Variants in PDE4D observed in about 807,000 individuals in gnomAD.
The protein encoded by PDE4D is phosphodiesterase 4D.
In PDE4D, 24 loss-of-function variants were observed where a neutral mutation model predicts 87.4. That is an observed-to-expected ratio of 0.27 (90% CI 0.20 to 0.39). The LOEUF (loss-of-function observed/expected upper bound fraction) is 0.39. Among genes scored for constraint, PDE4D ranks in the 10% least tolerant of loss-of-function variants. The probability of loss-of-function intolerance (pLI) is 1.00; values close to 1 mark genes in which losing one functional copy is unlikely to be tolerated. For synonymous variants in PDE4D, 384 were observed against 383.2 expected, an observed-to-expected ratio of 1.00 and a Z score of -0.02; for missense variants, 714 against 1,041.0, an observed-to-expected ratio of 0.69 and a Z score of 4.32.
At chr5:60,055,018 TA>T (rs992928809) in intron 2 of PDE4D, among the ~76,000 whole-genome samples, 1 of 150,706 alleles carries the variant, frequency 6.6e-6, no homozygotes, top group African/African-American at 2.4e-5. Flanking sequence ...GGAGAAGAAA[TA>T]AAAAAAAGGT....
intron 6 of PDE4D, among the ~76,000 whole-genome samples, chr5:59,035,960 C>A (rs923380223): frequency 6.6e-6 from 1 of 152,166 alleles, no homozygotes; most frequent in African/African-American, 2.4e-5. Context: ...CCAACCCTAG[C>A]CTTGGCCAAG....
chr5:60,310,240 C>T (rs946749168), intron 1 of PDE4D, among the ~76,000 whole-genome samples: 3 of 152,156 alleles, frequency 2.0e-5, no homozygotes, highest in Non-Finnish European at 4.4e-5. Flanking sequence ...AAACAATAAT[C>T]CCACTTTACC....
At chr5:59,177,504 C>T (rs527405672) in intron 5 of PDE4D, among the ~76,000 whole-genome samples, 23 of 152,170 alleles carry the variant, frequency 1.5e-4, no homozygotes, top group Non-Finnish European at 1.5e-5. Flanking sequence ...TTCACTCATT[C>T]AAGCCAGCAA....
At chr5:59,175,505 G>A (rs745856883) in intron 5 of PDE4D, among the ~76,000 whole-genome samples, 2 of 107,656 alleles carry the variant, frequency 1.9e-5, no homozygotes, top group African/African-American at 3.7e-5. Context: ...TTTTTGAGAC[G>A]GTGTCTCACT....
At chr5:59,259,852 GA>G (rs1337007648) in intron 1 of PDE4D, among the ~76,000 whole-genome samples, 2 of 151,756 alleles carry the variant, frequency 1.3e-5, no homozygotes, top group Admixed American at 1.3e-4. Context: ...CTATTAGTCA[GA>G]AATTCACATA....
At chr5:60,465,413 T>C (rs1446707294) in intron 1 of PDE4D, among the ~76,000 whole-genome samples, 1 of 152,192 alleles carries the variant, frequency 6.6e-6, no homozygotes, top group African/African-American at 2.4e-5. Flanking sequence ...TGTATAAGCA[T>C]AAATTTGACA....
chr5:59,658,282 A>G (rs1744695552), intron 1 of PDE4D, among the ~76,000 whole-genome samples: 1 of 152,228 alleles, frequency 6.6e-6, no homozygotes, highest in African/African-American at 2.4e-5. Flanking sequence ...ATTATTTACT[A>G]AAGTCTCACA....
Position 59,177,646 on chromosome 5 carries a change from G to C in PDE4D, c.808+2949C>G, listed in dbSNP as rs187120630. Reference sequence around the variant, plus strand: ...AGTGCTGGGTAGGCAGAGCAACCACGTGGTATAATTCTAGGGGCACCATGT... The same window carrying C: ...AGTGCTGGGTAGGCAGAGCAACCACCTGGTATAATTCTAGGGGCACCATGT... On this transcript the variant is annotated intron_variant, in intron 5 of 14. Coordinates refer to ENST00000340635, the MANE Select transcript of PDE4D (RefSeq NM_001104631.2). Among the ~76,000 whole-genome samples the C allele has an allele frequency of 1.1e-4, 16 of 152,260 alleles. No individual in the cohort carries two copies. In the East Asian group the frequency reaches 3.1e-3, roughly 29 times the overall value.
chr5:59,865,638 C>T (rs1240365670), intron 1 of PDE4D, among the ~76,000 whole-genome samples: 1 of 152,194 alleles, frequency 6.6e-6, no homozygotes, highest in Non-Finnish European at 1.5e-5. Context: ...TCTAAATTGT[C>T]AGGTCTTTGT....
At chr5:59,479,127 T>C (rs1175895212) in intron 1 of PDE4D, among the ~76,000 whole-genome samples, 1 of 152,098 alleles carries the variant, frequency 6.6e-6, no homozygotes, top group African/African-American at 2.4e-5. Context: ...TTGCTATTGA[T>C]GGTTTGGGTC....
At chr5:60,169,887 C>A (rs1203543213) in intron 2 of PDE4D, among the ~76,000 whole-genome samples, 1 of 151,902 alleles carries the variant, frequency 6.6e-6, no homozygotes, top group African/African-American at 2.4e-5. Flanking sequence ...AATTTTATAT[C>A]ATTTTACTTT....
At chr5:59,075,587 A>C (rs1765552704) in intron 5 of PDE4D, among the ~76,000 whole-genome samples, 1 of 152,158 alleles carries the variant, frequency 6.6e-6, no homozygotes, top group Non-Finnish European at 1.5e-5. Context: ...CTTTTAAATA[A>C]AATAAATTAC....
intron 2 of PDE4D, among the ~76,000 whole-genome samples, chr5:60,102,248 G>A (rs897095831): frequency 2.6e-5 from 4 of 151,624 alleles, no homozygotes; most frequent in Non-Finnish European, 4.4e-5. Flanking sequence ...TTGCTTTTTT[G>A]CTTTTTTTTA....
chr5:59,980,269 T>C (rs1277494313), intron 3 of PDE4D, among the ~76,000 whole-genome samples: 4 of 152,218 alleles, frequency 2.6e-5, no homozygotes, highest in Non-Finnish European at 5.9e-5. Context: ...AGAAACTATC[T>C]ATGGAGTGGA....
chr5:60,443,204 A>T (rs1745379437), intron 1 of PDE4D, among the ~76,000 whole-genome samples: 1 of 152,170 alleles, frequency 6.6e-6, no homozygotes. Context: ...GGAGACTGAG[A>T]GAAGAAACCA....
intron 1 of PDE4D, among the ~76,000 whole-genome samples, chr5:59,351,247 A>G (rs1780488399): frequency 6.6e-6 from 1 of 152,166 alleles, no homozygotes; most frequent in South Asian, 2.1e-4. Context: ...AGAAAGCAGC[A>G]GAGTTGGCAC....
Position 58,974,990 on chromosome 5 carries a change from C to G in PDE4D, c.2104G>C (p.Glu702Gln). Residue 702 changes from glutamate (E) to glutamine (Q), a missense_variant, in exon 15 of 15, where the codon GAG (glutamate) becomes CAG (glutamine). By Grantham distance (29) the Glu-to-Gln change is conservative. Around this residue, in one of 7 missense-constraint regions of PDE4D, gnomAD observed 97 missense variants for 176.9 expected, o/e 0.55. Coordinates refer to ENST00000340635, the MANE Select transcript of PDE4D (RefSeq NM_001104631.2). ...PDAQDILDTL[E>Q]DNREWYQSTI... ...CTCTGGTACCATTCACGATTGTCCTCCAAAGTGTCCAAAATATCCTGGGCG... is the reference window on the plus strand; with the variant it reads ...CTCTGGTACCATTCACGATTGTCCTGCAAAGTGTCCAAAATATCCTGGGCG... 1 of 1,611,262 alleles carries G rather than the reference C, an allele frequency of 6.2e-7. No individual in the cohort carries two copies. The highest frequency in any genetic ancestry group is 8.5e-7 in the Non-Finnish European group (1 of 1,177,972).
chr5:59,695,123 T>C (rs894664031), intron 1 of PDE4D, among the ~76,000 whole-genome samples: 3 of 152,000 alleles, frequency 2.0e-5, no homozygotes, highest in African/African-American at 7.3e-5. Flanking sequence ...CAAAATTTAA[T>C]GAGCAGCTCA....
At chr5:59,367,811 G>A (rs1188801074) in intron 1 of PDE4D, among the ~76,000 whole-genome samples, 2 of 152,304 alleles carry the variant, frequency 1.3e-5, no homozygotes, top group Non-Finnish European at 2.9e-5. Context: ...AAGAGAGAGA[G>A]AAAGAAGCAG....
Sources: allele counts gnomAD v4.1 joint callset (sites outside exome capture counted in the v4.1 genomes callset), GRCh38; gene constraint gnomAD v4.1.1; regional missense constraint gnomAD v4.1.1; transcripts MANE v1.5; gene names NCBI Gene and HGNC (gene_info 2026-07-23, HGNC 2026-07-21).